The following XPNPEP1 variants were observed in gnomAD, a reference collection of about 807,000 sequenced individuals.
The protein encoded by XPNPEP1 is X-prolyl aminopeptidase 1.
Under a neutral mutation model 92.4 loss-of-function variants are expected in XPNPEP1, and 39 were observed. The ratio of observed to expected loss-of-function variants is 0.42; its 90% CI spans 0.33 to 0.55. The LOEUF is 0.55. Ranked by LOEUF, XPNPEP1 falls within the 20% of genes least tolerant of loss-of-function variation. XPNPEP1 has a pLI of 0.08. For missense variants in XPNPEP1, 654 were observed against 856.1 expected (o/e 0.76, Z 2.95); for synonymous variants, 307 against 299.4 (o/e 1.03, Z -0.26).
chr10:109,895,196 C>T (rs1456751906), intron 3 of XPNPEP1, among the ~76,000 whole-genome samples: 1 of 152,220 alleles, frequency 6.6e-6, no homozygotes, highest in African/African-American at 2.4e-5. Context: ...GCACTCTCCA[C>T]CAACATGACG....
intron 15 of XPNPEP1, among the ~76,000 whole-genome samples, chr10:109,874,952 A>T (rs1847698113): frequency 6.6e-6 from 1 of 152,186 alleles, no homozygotes; most frequent in Non-Finnish European, 1.5e-5. Context: ...CTGTCTCAAA[A>T]AAAAGGCCTT....
In XPNPEP1 at chr10:109,865,066, C is replaced by T. The variant is rs1365506487; in HGVS notation, c.*118G>A. 1 of 1,420,972 alleles carries T rather than the reference C, an allele frequency of 7.0e-7. No individual in the cohort carries two copies. The highest frequency in any genetic ancestry group is 9.6e-7 in the Non-Finnish European group (1 of 1,039,018). 88.0% of individuals were successfully genotyped at this position (1,420,972 alleles called of 1,614,324 possible). On this transcript the variant is annotated 3_prime_UTR_variant, in exon 21 of 21. Coordinates refer to ENST00000502935, the MANE Select transcript of XPNPEP1 (RefSeq NM_020383.4). Reference sequence around the variant, plus strand: ...GAAGATTTTCTGTTCTTCTTAAAGTCTAAAGTAAAAAGGGGAGGTAGGGAA... The same window carrying T: ...GAAGATTTTCTGTTCTTCTTAAAGTTTAAAGTAAAAAGGGGAGGTAGGGAA...
intron 1 of XPNPEP1, among the ~76,000 whole-genome samples, chr10:109,917,130 T>C (rs1323021458): frequency 6.6e-6 from 1 of 152,132 alleles, no homozygotes; most frequent in Admixed American, 6.5e-5. Flanking sequence ...AGAAGTTCTA[T>C]CTAGGGTAAG....
In XPNPEP1 at chr10:109,914,591, G is replaced by A. The variant is rs537742828; in HGVS notation, c.121+420C>T. 6.6e-5 allele frequency among the ~76,000 whole-genome samples: 10 copies of A among 152,294 alleles called. No homozygotes were observed. The South Asian group carries it at 2.1e-3, about 32-fold the overall frequency. The stretch of plus-strand genomic sequence containing the variant: ...GCGGGCAGATCACCTGAGGTCGGGA[G>A]TTCAAGACCAGCCTGGCCAACATGG... On this transcript the variant is annotated intron_variant, in intron 2 of 20. Transcript: ENST00000502935.
In XPNPEP1 at chr10:109,865,037, A is replaced by T. The variant is rs776944232; in HGVS notation, c.*147T>A. The T allele has an allele frequency of 1.8e-6, 2 of 1,123,588 alleles. No individual in the cohort carries two copies. The highest frequency in any genetic ancestry group is 2.5e-6 in the Non-Finnish European group (2 of 792,262). The allele number at this position is 1,123,588 out of a possible 1,614,324, so 69.6% of individuals were successfully genotyped here. On this transcript the variant is annotated 3_prime_UTR_variant, in exon 21 of 21. Coordinates refer to ENST00000502935, the MANE Select transcript of XPNPEP1 (RefSeq NM_020383.4). ...TGTTTGCAATAAAATATCAAAGAGG[A>T]TAAGAAGATTTTCTGTTCTTCTTAA...
In XPNPEP1 at chr10:109,893,023, T is replaced by C; in HGVS notation, c.299A>G (p.Asp100Gly). 2 of 1,613,746 alleles carry C rather than the reference T, an allele frequency of 1.2e-6. No individual in the cohort carries two copies. Among genetic ancestry groups the C allele is most frequent in the Non-Finnish European group, 1.7e-6 (2 of 1,179,890 alleles). ...AAGTAGTGACTCACCCGCAGAGCCA[T>C]CGAATCCAGAGACAAAAGCCCGCCG... ...DCRRAFVSGF[D>G]GSAGTAIITE... The change falls in exon 4 of 21, where the codon GAT (aspartate) becomes GGT (glycine). Residue 100 changes from aspartate to glycine, a missense_variant. Coordinates refer to ENST00000502935, the MANE Select transcript of XPNPEP1 (RefSeq NM_020383.4).
rs751990606 is a variant in XPNPEP1 at position 109,875,596 on chromosome 10, T to A, written c.1323A>T (p.Pro441=). The A allele has an allele frequency of 2.5e-6, 4 of 1,614,054 alleles. No individual in the cohort carries two copies. The highest frequency in any genetic ancestry group is 3.4e-6 in the Non-Finnish European group (4 of 1,179,900). The change falls in exon 15 of 21, where the codon CCA becomes CCT. Residue 441 remains proline (P), a synonymous_variant. Coordinates refer to ENST00000502935, the MANE Select transcript of XPNPEP1 (RefSeq NM_020383.4). ...GPNGAIIHYA[P]VPETNRTLSL... is the part of the protein sequence containing the mutation. ...ACAAGGTCCTATTCGTCTCAGGGAC[T>A]GGCCTAACAAAGTTAATTAAAAATT... is the stretch of plus-strand genomic sequence containing the variant.
In XPNPEP1 at chr10:109,884,093, G is replaced by A. The variant is rs545031167; in HGVS notation, c.804C>T (p.Tyr268=). 39 of 1,614,004 alleles carry A rather than the reference G, an allele frequency of 2.4e-5. No individual in the cohort carries two copies. In the East Asian group the frequency reaches 4.5e-4, roughly 18 times the overall value. The change falls in exon 9 of 21, where the codon TAC becomes TAT. Residue 268 remains tyrosine, a synonymous_variant. Coordinates refer to ENST00000502935, the MANE Select transcript of XPNPEP1 (RefSeq NM_020383.4). ...TGATCGTCTCTAGTCCTATGATTGC[G>A]TAGGAGAAAAATACTGGATTGTGCT... ...DVEHNPVFFS[Y]AIIGLETIML... is the part of the protein sequence containing the mutation.
At chr10:109,907,908 C>T (rs987291125) in intron 2 of XPNPEP1, 93 bp from the exon 3 acceptor site, 4 of 1,537,052 alleles carry the variant, frequency 2.6e-6, no homozygotes, top group South Asian at 1.2e-5. Flanking sequence ...GTGCCTTCTA[C>T]GTTCTGCCCC....
intron 18 of XPNPEP1, among the ~76,000 whole-genome samples, chr10:109,870,249 C>T (rs76100453): frequency 0.032 from 4,872 of 152,284 alleles, 251 homozygotes; most frequent in African/African-American, 0.11. Context: ...GAAGTCCCTG[C>T]ACACTGGCTA....
intron 1 of XPNPEP1, among the ~76,000 whole-genome samples, chr10:109,918,410 G>T (rs150458858): frequency 1.3e-4 from 20 of 152,080 alleles, no homozygotes; most frequent in African/African-American, 4.1e-4. Context: ...GACACAGAGA[G>T]ACCCTGTCTC....
intron 3 of XPNPEP1, 127 bp downstream of exon 3, chr10:109,907,564 C>T: frequency 7.0e-7 from 1 of 1,433,566 alleles, no homozygotes; most frequent in Non-Finnish European, 9.4e-7. Flanking sequence ...ACACAGATCC[C>T]CATAGCAAGC....
intron 7 of XPNPEP1, among the ~76,000 whole-genome samples, chr10:109,887,291 C>T (rs887079734): frequency 1.3e-5 from 2 of 152,240 alleles, no homozygotes; most frequent in Non-Finnish European, 2.9e-5. Flanking sequence ...TTCCGCAATA[C>T]CCCTCTGGTG....
At chr10:109,904,897 T>C (rs913619204) in intron 3 of XPNPEP1, among the ~76,000 whole-genome samples, 2 of 152,144 alleles carry the variant, frequency 1.3e-5, no homozygotes, top group African/African-American at 2.4e-5. Context: ...GATCTGGCAA[T>C]CTCACTTGTG....
At chr10:109,891,579 T>A (rs1848705779) in intron 5 of XPNPEP1, 143 bp downstream of exon 5, 3 of 390,052 alleles carry the variant, frequency 7.7e-6, no homozygotes, top group South Asian at 6.5e-5. Flanking sequence ...AGGCATGCCA[T>A]TTTTTTTTTT....
intron 16 of XPNPEP1, 32 bp downstream of exon 16, chr10:109,873,320 CTTAAGAAAGCAGAGA>C (rs1847589677): frequency 6.2e-7 from 1 of 1,607,820 alleles, no homozygotes. Context: ...CAATGCTCTT[CTTAAGAAAGCAGAGA>C]GGACCTCTTG....
chr10:109,911,668 T>A (rs1849881566), intron 2 of XPNPEP1, among the ~76,000 whole-genome samples: 1 of 152,208 alleles, frequency 6.6e-6, no homozygotes, highest in Non-Finnish European at 1.5e-5. Context: ...CAAGCAAAAA[T>A]GAAGCTTTCT....
intron 1 of XPNPEP1, among the ~76,000 whole-genome samples, chr10:109,920,289 T>C (rs1850468220): frequency 6.6e-6 from 1 of 152,186 alleles, no homozygotes; most frequent in African/African-American, 2.4e-5. Context: ...TGTTCTAAAA[T>C]GATTGTGATG....
intron 3 of XPNPEP1, among the ~76,000 whole-genome samples, chr10:109,896,347 T>C (rs1431252913): frequency 6.6e-6 from 1 of 151,012 alleles, no homozygotes; most frequent in South Asian, 2.1e-4. Flanking sequence ...GACACAATTA[T>C]GGCTCATTGT....
Sources: allele counts gnomAD v4.1 joint callset (sites outside exome capture counted in the v4.1 genomes callset), GRCh38; gene constraint gnomAD v4.1.1; transcripts MANE v1.5; gene names NCBI Gene and HGNC (gene_info 2026-07-23, HGNC 2026-07-21).